XRN1: variants seen among roughly 807,000 people sequenced by gnomAD.
XRN1 encodes strand-exchange protein 1 homolog.
Under a neutral mutation model 222.3 loss-of-function variants are expected in XRN1, and 67 were observed. The observed-to-expected ratio is 0.30, with a 90% CI of 0.25 to 0.37. The LOEUF is 0.37. XRN1 is among the 10% of genes least tolerant of loss of function. XRN1 has a pLI of 1.00. For synonymous variants in XRN1, 643 were observed against 652.4 expected, an observed-to-expected ratio of 0.99 and a Z score of 0.22; for missense variants, 1,707 against 2,000.2, an observed-to-expected ratio of 0.85 and a Z score of 2.80.
At chr3:142,431,771 C>A (rs144005110) in intron 2 of XRN1, among the ~76,000 whole-genome samples, 1 of 129,224 alleles carries the variant, frequency 7.7e-6, no homozygotes, top group Non-Finnish European at 1.7e-5. Context: ...GAGCCGAGAT[C>A]GCGCCACTGC....
rs573582768 is a variant in XRN1 at position 142,366,878 on chromosome 3, T to G, written c.3205-1512A>C. 5.3e-5 allele frequency among the ~76,000 whole-genome samples: 8 copies of G among 152,318 alleles called. No individual in the cohort carries two copies. The South Asian group carries it at 1.7e-3, about 32-fold the overall frequency. On this transcript the variant is annotated intron_variant, in intron 27 of 40. Coordinates refer to ENST00000392981, the MANE Select transcript of XRN1 (RefSeq NM_001282857.2). ...TTAGAGGACATGGATCAAAACTGAT[T>G]CATCAGGCAAATGAATAAGCTGGGT...
At chr3:142,326,329 C>A (rs369096190) in intron 37 of XRN1, among the ~76,000 whole-genome samples, 11 of 152,104 alleles carry the variant, frequency 7.2e-5, no homozygotes, top group African/African-American at 2.6e-4. Context: ...TTTCTTGCAT[C>A]ATTGTTTTAT....
chr3:142,401,611 G>A (rs1004300883), intron 18 of XRN1, among the ~76,000 whole-genome samples: 8 of 152,016 alleles, frequency 5.3e-5, no homozygotes, highest in African/African-American at 1.2e-4. Flanking sequence ...CCAGCCACTC[G>A]GGAGGCTGAG....
At chr3:142,332,267 T>C (rs2065720470) in intron 36 of XRN1, 108 bp downstream of exon 36, 7 of 902,810 alleles carry the variant, frequency 7.8e-6, no homozygotes, top group Non-Finnish European at 9.7e-6. Flanking sequence ...AATAAATAAA[T>C]ACATTAAAAT....
intron 33 of XRN1, among the ~76,000 whole-genome samples, chr3:142,345,165 G>A (rs1194851423): frequency 6.6e-6 from 1 of 152,112 alleles, no homozygotes; most frequent in Non-Finnish European, 1.5e-5. Context: ...CAAACTCCTG[G>A]GTTCAAGCAA....
At position 142,405,023 on chromosome 3, in the gene XRN1, C is replaced by T; in HGVS notation, c.1767G>A (p.Glu589=). ...ACTCACTATGTTGGTTTCTTTTCCT[C>T]TCTTCCTTTTTGAGGGAGTGGTTAC... ...ETCNHSLKKE[E]RKRNQHSECL... is the part of the protein sequence containing the mutation. The change falls in exon 16 of 41, where the codon GAG becomes GAA. Residue 589 remains glutamate (E), a synonymous_variant. Coordinates refer to ENST00000392981, the MANE Select transcript of XRN1 (RefSeq NM_001282857.2). 6.2e-7 allele frequency: 1 copy of T among 1,614,008 alleles called. No homozygotes were observed. The highest frequency in any genetic ancestry group is 8.5e-7 in the Non-Finnish European group (1 of 1,179,916).
intron 27 of XRN1, among the ~76,000 whole-genome samples, chr3:142,366,100 G>C (rs896407675): frequency 6.6e-6 from 1 of 151,972 alleles, no homozygotes; most frequent in Non-Finnish European, 1.5e-5. Context: ...AACTACTTTA[G>C]GCATCAGCCT....
chr3:142,392,815 T>C (rs1168198997), intron 20 of XRN1, among the ~76,000 whole-genome samples: 1 of 151,898 alleles, frequency 6.6e-6, no homozygotes, highest in Non-Finnish European at 1.5e-5. Flanking sequence ...AGCAGCATGA[T>C]TTATAGTCCT....
At chr3:142,344,396 CAAAT>C (rs567086183) in intron 33 of XRN1, among the ~76,000 whole-genome samples, 1 of 151,768 alleles carries the variant, frequency 6.6e-6, no homozygotes, top group Non-Finnish European at 1.5e-5. Context: ...AGATAAAAAA[CAAAT>C]AAAAGGCAAG....
rs769888054 is a variant in XRN1, at chr3:142,426,815, A to G, written c.335T>C (p.Ile112Thr). 1.2e-6 allele frequency: 2 copies of G among 1,613,674 alleles called. No individual in the cohort carries two copies. The highest frequency in any genetic ancestry group is 1.7e-6 in the Non-Finnish European group (2 of 1,179,914). The change falls in exon 3 of 41, where the codon ATT becomes ACT. Residue 112 changes from isoleucine (I) to threonine (T), a missense_variant. By Grantham distance (89) the Ile-to-Thr change is moderately conservative. Coordinates refer to ENST00000392981, the MANE Select transcript of XRN1 (RefSeq NM_001282857.2). ...TTCTCCCTTCTCTATTGCCTTTTTA[A>G]TTTTGTCTTCTGCCTCCTTTGCTGA... Reference protein sequence around the residue: ...FRSAKEAEDKIKKAIEKGETL... With the variant: ...FRSAKEAEDKTKKAIEKGETL...
intron 30 of XRN1, among the ~76,000 whole-genome samples, chr3:142,359,219 CT>C (rs1221518213): frequency 1.3e-5 from 2 of 152,132 alleles, no homozygotes; most frequent in Non-Finnish European, 2.9e-5. Flanking sequence ...AACCCTCTTC[CT>C]TTAAACCTCC....
At chr3:142,334,315 T>C (rs2065786201) in intron 34 of XRN1, among the ~76,000 whole-genome samples, 1 of 152,078 alleles carries the variant, frequency 6.6e-6, no homozygotes, top group African/African-American at 2.4e-5. Flanking sequence ...TTACTACCTG[T>C]TATGTGCCAA....
chr3:142,397,485 AT>A (rs2067974122), intron 19 of XRN1, 25 bp from the exon 20 acceptor site: 1 of 1,555,692 alleles, frequency 6.4e-7, no homozygotes. Context: ...TAAAAATTAT[AT>A]AACCAAAATG....
chr3:142,366,203 T>C (rs768999029), intron 27 of XRN1, among the ~76,000 whole-genome samples: 39 of 152,174 alleles, frequency 2.6e-4, no homozygotes, highest in Non-Finnish European at 5.1e-4. Flanking sequence ...CTACTATTCA[T>C]ACTAAAAAAA....
rs145436438 is a variant in XRN1, at chr3:142,342,850, A to T, written c.3877+4384T>A. Among the ~76,000 whole-genome samples, 472 of 152,318 alleles carry T rather than the reference A, an allele frequency of 3.1e-3. 1 individual carries two copies. Among genetic ancestry groups the T allele is most frequent in the Admixed American group, 5.6e-3 (85 of 15,304 alleles). On this transcript the variant is annotated intron_variant, in intron 33 of 40. Coordinates refer to ENST00000392981, the MANE Select transcript of XRN1 (RefSeq NM_001282857.2). ...CAAAGAAAACATTGGGGAAACTCCG[A>T]CACTGGACTGGGCAAAGATTTCTTG...
chr3:142,433,737 C>G (rs571700156), intron 1 of XRN1, among the ~76,000 whole-genome samples: 1 of 152,280 alleles, frequency 6.6e-6, no homozygotes, highest in Admixed American at 6.5e-5. Context: ...AGAATAGAGT[C>G]TGCCTTACAT....
intron 19 of XRN1, among the ~76,000 whole-genome samples, chr3:142,397,906 A>G (rs2067987934): frequency 6.6e-6 from 1 of 152,212 alleles, no homozygotes; most frequent in African/African-American, 2.4e-5. Context: ...ATGGATCAAA[A>G]TATCACATGT....
At chr3:142,319,641 A>C (rs1005598684) in intron 37 of XRN1, among the ~76,000 whole-genome samples, 2 of 152,046 alleles carry the variant, frequency 1.3e-5, no homozygotes, top group African/African-American at 4.8e-5. Flanking sequence ...TGTACCCAGT[A>C]GGTCATTTCT....
chr3:142,440,177 T>C (rs567986889), intron 1 of XRN1, among the ~76,000 whole-genome samples: 22 of 152,246 alleles, frequency 1.4e-4, no homozygotes, highest in African/African-American at 5.3e-4. Flanking sequence ...TCTCCTGTCC[T>C]GGACAACTGT....
Sources: allele counts gnomAD v4.1 joint callset (sites outside exome capture counted in the v4.1 genomes callset), GRCh38; gene constraint gnomAD v4.1.1; transcripts MANE v1.5; gene names NCBI Gene and HGNC (gene_info 2026-07-23, HGNC 2026-07-21).